Variants in MACIR observed in about 807,000 individuals in gnomAD.
MACIR encodes UNC119-binding protein C5orf30.
Under a neutral mutation model 14.3 loss-of-function variants are expected in MACIR, and 4 were observed. That is an observed-to-expected ratio of 0.28 (90% CI 0.14 to 0.64). MACIR has a LOEUF of 0.64. MACIR is among the 30% of genes least tolerant of loss of function. The pLI, the probability that MACIR is intolerant of heterozygous loss-of-function variation, is 0.83. For missense variants in MACIR, 228 were observed against 257.6 expected (o/e 0.89, Z 0.79); for synonymous variants, 101 against 102.4 (o/e 0.99, Z 0.08).
rs1804911660 is a variant in MACIR at position 103,266,000 on chromosome 5, A to C, written c.-24+3A>C. ...GACATCTTCTGGGATTTAGTCTGGT[A>C]AGTTATATTTTGCTTTTTCCGTTCG... On this transcript the variant is annotated splice_donor_region_variant and intron_variant, in intron 2 of 2. Transcript: ENST00000319933. 1 of 152,124 alleles carries C rather than the reference A, an allele frequency of 6.6e-6. No homozygotes were observed. The highest frequency in any genetic ancestry group is 1.5e-5 in the Non-Finnish European group (1 of 67,978). 9.4% of individuals were successfully genotyped at this position (152,124 alleles called of 1,614,324 possible). A position where few individuals can be genotyped will look rare whatever the true frequency, so the allele number is the denominator to read the frequency against.
intron 1 of MACIR, among the ~76,000 whole-genome samples, chr5:103,260,050 C>CGTGT (rs70990427): frequency 0.046 from 6,361 of 138,718 alleles, 130 homozygotes; most frequent in African/African-American, 0.062. Context: ...CCAAGATTTC[C>CGTGT]GTGTGTGTGT....
At position 103,276,407 on chromosome 5, in the gene MACIR, C is replaced by T. The variant is rs1554237732; in HGVS notation, c.488C>T (p.Ala163Val). The T allele has an allele frequency of 1.2e-6, 2 of 1,613,896 alleles. No homozygotes were observed. Among genetic ancestry groups the T allele is most frequent in the Admixed American group, 1.7e-5 (1 of 59,978 alleles). Residue 163 changes from alanine (A) to valine (V), a missense_variant, in exon 3 of 3, where the codon GCT (alanine) becomes GTT (valine). Ala to Val is a moderately conservative substitution (Grantham distance 64). Transcript: ENST00000319933. ...LPLCLLKGKR[A>V]HSKSLDYLNL... ...CTTTGTCTTCTTAAAGGTAAGAGGG[C>T]TCACTCCAAATCTCTGGACTACCTC...
In MACIR at chr5:103,276,045, C is replaced by CCCGATGCGGAGGA; in HGVS notation, c.130_142dup (p.Val48AspfsTer16). Reference sequence around the variant, plus strand: ...CCCGCTGCTCCAGCACACCCTGCTCCCCGATGCGGAGGACCGTGTCAGGCT... The same window carrying CCCGATGCGGAGGA: ...CCCGCTGCTCCAGCACACCCTGCTCCCCGATGCGGAGGACCGATGCGGAGGACCGTGTCAGGCT... On this transcript the variant is annotated frameshift_variant, in exon 3 of 3. Transcript: ENST00000319933. LOFTEE classifies it high-confidence loss of function. 6.2e-7 allele frequency: 1 copy of CCCGATGCGGAGGA among 1,614,110 alleles called. No individual in the cohort carries two copies. The highest frequency in any genetic ancestry group is 8.5e-7 in the Non-Finnish European group (1 of 1,180,026).
Position 103,276,710 on chromosome 5 carries a change from A to T in MACIR, c.*170A>T, listed in dbSNP as rs1805349147. ...AATTTGAATACAGGAATGAAATCAC[A>T]GGTACTTGGGGGGGGGATATCATTC... On this transcript the variant is annotated 3_prime_UTR_variant, in exon 3 of 3. Coordinates refer to ENST00000319933, the MANE Select transcript of MACIR (RefSeq NM_033211.4). 1.7e-5 allele frequency: 9 copies of T among 544,682 alleles called. No individual in the cohort carries two copies. In the South Asian group the frequency reaches 1.7e-4, roughly 10 times the overall value. The allele number at this position is 544,682 out of a possible 1,614,324, so 33.7% of individuals were successfully genotyped here.
At chr5:103,263,199 A>ACCTCCT (rs1192451453) in intron 1 of MACIR, among the ~76,000 whole-genome samples, 21 of 141,706 alleles carry the variant, frequency 1.5e-4, no homozygotes, top group Middle Eastern at 7.7e-3. Flanking sequence ...TTCACCATAT[A>ACCTCCT]CCTCCTCCTC....
At position 103,277,028 on chromosome 5, in the gene MACIR, T is replaced by G; in HGVS notation, c.*488T>G. The G allele has an allele frequency of 6.0e-6, 1 of 167,304 alleles. No homozygotes were observed. The allele number at this position is 167,304 out of a possible 1,614,324, so 10.4% of individuals were successfully genotyped here. A position where few individuals can be genotyped will look rare whatever the true frequency, so the allele number is the denominator to read the frequency against. Reference sequence around the variant, plus strand: ...AATTGGACCACTTTTTATTTTTAAATATTGAGTTTAAATATTTTATAACTG... The same window carrying G: ...AATTGGACCACTTTTTATTTTTAAAGATTGAGTTTAAATATTTTATAACTG... On this transcript the variant is annotated 3_prime_UTR_variant, in exon 3 of 3. Transcript: ENST00000319933.
At position 103,278,188 on chromosome 5, in the gene MACIR, T is replaced by C. The variant is rs1554237987; in HGVS notation, c.*1648T>C. 1 of 167,056 alleles carries C rather than the reference T, an allele frequency of 6.0e-6. No homozygotes were observed. The highest frequency in any genetic ancestry group is 1.5e-5 in the Non-Finnish European group (1 of 68,096). The allele number at this position is 167,056 out of a possible 1,614,324, so 10.3% of individuals were successfully genotyped here. ...AATTGCACCTTTGTAACATATTGTA[T>C]TGACGAATGATCACTAAGATTAGCT... is the stretch of plus-strand genomic sequence containing the variant. On this transcript the variant is annotated 3_prime_UTR_variant, in exon 3 of 3. Coordinates refer to ENST00000319933, the MANE Select transcript of MACIR (RefSeq NM_033211.4).
intron 2 of MACIR, among the ~76,000 whole-genome samples, chr5:103,274,293 T>C (rs1805240439): frequency 6.6e-6 from 1 of 151,884 alleles, no homozygotes; most frequent in Non-Finnish European, 1.5e-5. Flanking sequence ...TCAGAGTAGC[T>C]GGTAGTCACC....
chr5:103,266,269 T>G (rs1804919941), intron 2 of MACIR, among the ~76,000 whole-genome samples: 1 of 152,172 alleles, frequency 6.6e-6, no homozygotes, highest in African/African-American at 2.4e-5. Context: ...AACGTAAAGA[T>G]CTTATGAAAT....
intron 2 of MACIR, among the ~76,000 whole-genome samples, chr5:103,266,218 T>C (rs782688611): frequency 1.5e-4 from 23 of 152,280 alleles, no homozygotes; most frequent in Admixed American, 9.8e-4. Flanking sequence ...ATTATTTTAT[T>C]TGAAATGTTT....
intron 1 of MACIR, among the ~76,000 whole-genome samples, chr5:103,264,790 A>G (rs564134426): frequency 1.3e-5 from 2 of 152,226 alleles, no homozygotes; most frequent in East Asian, 3.9e-4. Context: ...GTAATTATCT[A>G]TTTCCTTTGG....
chr5:103,272,222 G>T (rs1805158706), intron 2 of MACIR, among the ~76,000 whole-genome samples: 1 of 152,150 alleles, frequency 6.6e-6, no homozygotes. Flanking sequence ...CTAAACACAG[G>T]CCATCTCTAG....
In MACIR at chr5:103,265,900, A is replaced by G. The variant is rs1167232756; in HGVS notation, c.-113-8A>G. The G allele has an allele frequency of 1.3e-5, 2 of 152,076 alleles. No individual in the cohort carries two copies. The highest frequency in any genetic ancestry group is 2.4e-5 in the African/African-American group (1 of 41,424). 9.4% of individuals were successfully genotyped at this position (152,076 alleles called of 1,614,324 possible). A position where few individuals can be genotyped will look rare whatever the true frequency, so the allele number is the denominator to read the frequency against. On this transcript the variant is annotated splice_polypyrimidine_tract_variant and splice_region_variant and intron_variant, in intron 1 of 2. Coordinates refer to ENST00000319933, the MANE Select transcript of MACIR (RefSeq NM_033211.4). The stretch of plus-strand genomic sequence containing the variant: ...AATTAAAGGTTTATTTTTGTATTTC[A>G]TGTTTAGTACCTGGAGTAGAACAGA...
chr5:103,260,740 G>T (rs1476397063), intron 1 of MACIR, among the ~76,000 whole-genome samples: 2 of 152,104 alleles, frequency 1.3e-5, no homozygotes, highest in Non-Finnish European at 2.9e-5. Flanking sequence ...TACTTAATAT[G>T]GTTAGAGTAA....
At chr5:103,273,172 G>A (rs1449883886) in intron 2 of MACIR, among the ~76,000 whole-genome samples, 1 of 152,146 alleles carries the variant, frequency 6.6e-6, no homozygotes, top group African/African-American at 2.4e-5. Flanking sequence ...CATAGTGAAT[G>A]TTTTGTCTAC....
intron 2 of MACIR, among the ~76,000 whole-genome samples, chr5:103,274,405 C>T (rs561157344): frequency 6.6e-6 from 1 of 150,760 alleles, no homozygotes; most frequent in South Asian, 2.1e-4. Flanking sequence ...TATAATAAAG[C>T]TGATTACTTT....
chr5:103,260,902 C>G (rs1253660171), intron 1 of MACIR, among the ~76,000 whole-genome samples: 1 of 152,178 alleles, frequency 6.6e-6, no homozygotes, highest in Non-Finnish European at 1.5e-5. Flanking sequence ...AAAGATTAGC[C>G]AATTCCACAG....
At chr5:103,268,511 C>T (rs1394890698) in intron 2 of MACIR, among the ~76,000 whole-genome samples, 1 of 152,142 alleles carries the variant, frequency 6.6e-6, no homozygotes, top group East Asian at 1.9e-4. Context: ...CATGACTATA[C>T]AGTAATTACT....
intron 2 of MACIR, among the ~76,000 whole-genome samples, chr5:103,274,163 G>A (rs1805236155): frequency 6.6e-6 from 1 of 152,152 alleles, no homozygotes. Context: ...AAATTAGTGA[G>A]AAAGGAAGGA....
Sources: allele counts gnomAD v4.1 joint callset (sites outside exome capture counted in the v4.1 genomes callset), GRCh38; gene constraint gnomAD v4.1.1; transcripts MANE v1.5; gene names NCBI Gene and HGNC (gene_info 2026-07-23, HGNC 2026-07-21).